Variants in PPM1B observed in about 807,000 individuals in gnomAD.
PPM1B encodes protein phosphatase 1B.
In PPM1B, 22 loss-of-function variants were observed where a neutral mutation model predicts 43.0. The ratio of observed to expected loss-of-function variants is 0.51; its 90% confidence interval spans 0.37 to 0.73. The LOEUF (loss-of-function observed/expected upper bound fraction) is 0.73, where lower values mean the gene tolerates loss of function less well. PPM1B is among the 30% of genes least tolerant of loss of function. The pLI, the probability that PPM1B is intolerant of heterozygous loss-of-function variation, is 0.00. For missense variants in PPM1B, 632 were observed against 584.2 expected, an observed-to-expected ratio of 1.08 and a Z score of -0.84; for synonymous variants, 217 against 197.9, an observed-to-expected ratio of 1.10 and a Z score of -0.81.
At chr2:44,233,613 A>C (rs114081704), downstream of PPM1B, 1 of 985,820 alleles carries the variant, frequency 1.0e-6, no homozygotes, top group African/African-American at 1.7e-5. Flanking sequence ...AGCAGGATGT[A>C]ATTGCCCTTG....
intron 1 of PPM1B, among the ~76,000 whole-genome samples, chr2:44,179,276 A>G (rs1200828556): frequency 1.3e-5 from 2 of 152,206 alleles, no homozygotes; most frequent in Admixed American, 1.3e-4. Context: ...TCTTTTGTAA[A>G]TTGCACAGTC....
chr2:44,188,793 TCCCCTTCCCACTCCCCTC>T (rs1668258734), intron 1 of PPM1B, among the ~76,000 whole-genome samples: 1 of 130,522 alleles, frequency 7.7e-6, no homozygotes, highest in African/African-American at 2.8e-5. Context: ...CCTCCTTCCC[TCCCCTTCCCACTCCCCTC>T]CCCCTCCCCC....
chr2:44,245,316 C>G (rs1312142566), downstream of PPM1B, among the ~76,000 whole-genome samples: 1 of 112,188 alleles, frequency 8.9e-6, no homozygotes, highest in African/African-American at 2.8e-5. Flanking sequence ...CTGAGAAAAC[C>G]CTGAATGCCA....
intron 3 of PPM1B, among the ~76,000 whole-genome samples, chr2:44,211,564 T>C (rs904185436): frequency 6.9e-6 from 1 of 144,088 alleles, no homozygotes; most frequent in Non-Finnish European, 1.5e-5. Context: ...TTAATAATTA[T>C]GTTATACCTA....
downstream of PPM1B, chr2:44,232,198 C>T (rs1324654284): frequency 2.8e-6 from 4 of 1,429,414 alleles, no homozygotes; most frequent in African/African-American, 1.4e-5. Flanking sequence ...TAAAAGTACC[C>T]TTTTCAGACA....
intron 5 of PPM1B, among the ~76,000 whole-genome samples, chr2:44,227,175 G>A (rs1053081907): frequency 9.9e-5 from 15 of 151,614 alleles, no homozygotes; most frequent in Admixed American, 5.9e-4. Context: ...GGGTCTCCCC[G>A]TGTTGCTCAG....
intron 1 of PPM1B, among the ~76,000 whole-genome samples, chr2:44,196,327 A>G (rs1420666765): frequency 1.3e-5 from 2 of 152,002 alleles, no homozygotes; most frequent in Non-Finnish European, 2.9e-5. Context: ...ATATCCTTCT[A>G]TTGGAGTTTC....
intron 1 of PPM1B, among the ~76,000 whole-genome samples, chr2:44,170,600 C>T (rs930640832): frequency 6.6e-6 from 1 of 152,188 alleles, no homozygotes; most frequent in African/African-American, 2.4e-5. Flanking sequence ...GATGGAGAAA[C>T]ATGCCATGGA....
chr2:44,177,457 TGCCCAG>T (rs1667634507), intron 1 of PPM1B, among the ~76,000 whole-genome samples: 1 of 148,150 alleles, frequency 6.7e-6, no homozygotes, highest in South Asian at 2.1e-4. Context: ...TTGCTCTTGT[TGCCCAG>T]GCTGGAGTGT....
chr2:44,218,652 T>C (rs1669836831), intron 5 of PPM1B, 115 bp downstream of exon 5: 1 of 694,234 alleles, frequency 1.4e-6, no homozygotes, highest in African/African-American at 1.8e-5. Context: ...AGTAAATTAC[T>C]ACTGCTTTTC....
intron 1 of PPM1B, among the ~76,000 whole-genome samples, chr2:44,180,495 A>G (rs953473913): frequency 1.3e-5 from 2 of 152,338 alleles, no homozygotes; most frequent in African/African-American, 4.8e-5. Context: ...GTTGCAGTGG[A>G]TAATAGAGGT....
intron 2 of PPM1B, among the ~76,000 whole-genome samples, chr2:44,208,247 T>A (rs1386476280): frequency 6.6e-6 from 1 of 152,142 alleles, no homozygotes; most frequent in Non-Finnish European, 1.5e-5. Flanking sequence ...AGAAATAAAA[T>A]ATGTCCTTAA....
chr2:44,233,293 T>C, downstream of PPM1B: 1 of 926,314 alleles, frequency 1.1e-6, no homozygotes, highest in South Asian at 5.0e-5. Context: ...CTATTTTAGA[T>C]CTAAGGAAAT....
At chr2:44,214,355 C>T (rs1253030296) in intron 3 of PPM1B, among the ~76,000 whole-genome samples, 2 of 151,744 alleles carry the variant, frequency 1.3e-5, no homozygotes, top group Non-Finnish European at 2.9e-5. Context: ...AGGCGTGAGC[C>T]ACTGCGCCCG....
downstream of PPM1B, chr2:44,234,005 A>G (rs1670541969): frequency 1.0e-6 from 1 of 984,906 alleles, no homozygotes; most frequent in Non-Finnish European, 1.2e-6. Flanking sequence ...GTGATGTTTC[A>G]TACAATGCAG....
chr2:44,224,432 G>T (rs991224720), intron 5 of PPM1B, among the ~76,000 whole-genome samples: 1 of 147,492 alleles, frequency 6.8e-6, no homozygotes, highest in African/African-American at 2.5e-5. Context: ...TCCAGCCTGG[G>T]TGACAGAGCA....
intron 5 of PPM1B, among the ~76,000 whole-genome samples, chr2:44,228,453 C>G (rs1183701970): frequency 6.6e-6 from 1 of 152,104 alleles, no homozygotes; most frequent in African/African-American, 2.4e-5. Flanking sequence ...ATTGCATACA[C>G]GAGTCACTGC....
At chr2:44,209,495 T>G in intron 3 of PPM1B, 168 bp downstream of exon 3, 1 of 811,542 alleles carries the variant, frequency 1.2e-6, no homozygotes, top group Non-Finnish European at 1.8e-6. Flanking sequence ...ATTTTAAAAT[T>G]TCCTGGTCAG....
At chr2:44,227,895 C>T (rs931422381) in intron 5 of PPM1B, among the ~76,000 whole-genome samples, 4 of 142,630 alleles carry the variant, frequency 2.8e-5, no homozygotes, top group Non-Finnish European at 6.1e-5. Flanking sequence ...GGCAGGAAAA[C>T]AAGCACTTTT....
Sources: gnomAD v4.1 joint callset for allele counts (sites outside exome capture counted in the v4.1 genomes callset) on GRCh38, gnomAD v4.1.1 for gene constraint, MANE v1.5 for transcripts, NCBI Gene and HGNC (gene_info 2026-07-23, HGNC 2026-07-21) for gene names.